CMC1: variants seen among roughly 807,000 people sequenced by gnomAD.
CMC1 encodes C-X9-C motif containing 1.
A neutral mutation model predicts 14.1 loss-of-function variants in CMC1; 14 were observed. That is an observed-to-expected ratio of 0.99 (90% confidence interval 0.66 to 1.55). The LOEUF (loss-of-function observed/expected upper bound fraction) is 1.55, where lower values mean the gene tolerates loss of function less well. Ranked by LOEUF, CMC1 falls within the 40% of genes most tolerant of loss-of-function variation. The probability of loss-of-function intolerance (pLI) is 0.00; values close to 1 mark genes in which losing one functional copy is unlikely to be tolerated. For synonymous variants in CMC1, 50 were observed against 38.4 expected (o/e 1.30, Z -1.12); for missense variants, 127 against 123.8 (o/e 1.03, Z -0.12).
intron 1 of CMC1, among the ~76,000 whole-genome samples, chr3:28,246,101 C>A (rs1698813702): frequency 6.6e-6 from 1 of 151,586 alleles, no homozygotes. Flanking sequence ...CCCTGCCTGG[C>A]CTATAAGAAA....
intron 2 of CMC1, among the ~76,000 whole-genome samples, chr3:28,282,130 C>T (rs1270159318): frequency 6.6e-6 from 1 of 152,058 alleles, no homozygotes; most frequent in Non-Finnish European, 1.5e-5. Context: ...TAGGAAAATA[C>T]TTCATACAAA....
intron 1 of CMC1, among the ~76,000 whole-genome samples, chr3:28,245,282 C>A (rs975970803): frequency 9.2e-5 from 14 of 152,106 alleles, no homozygotes. Flanking sequence ...ACATTATTTT[C>A]CTTTTTTTTG....
chr3:28,292,466 G>C (rs781773367), intron 2 of CMC1, among the ~76,000 whole-genome samples: 1 of 151,884 alleles, frequency 6.6e-6, no homozygotes, highest in Non-Finnish European at 1.5e-5. Flanking sequence ...TTTTTCAATT[G>C]ATCATTTTAG....
chr3:28,301,386 AT>A (rs1702040534), intron 2 of CMC1, among the ~76,000 whole-genome samples: 1 of 151,912 alleles, frequency 6.6e-6, no homozygotes, highest in Non-Finnish European at 1.5e-5. Context: ...TACCCAACTA[AT>A]TTTTAAAATT....
chr3:28,283,924 G>C (rs1342910409), intron 2 of CMC1, among the ~76,000 whole-genome samples: 1 of 152,146 alleles, frequency 6.6e-6, no homozygotes. Flanking sequence ...CCTAGATTGT[G>C]TCAGTACAGT....
chr3:28,310,518 A>G (rs1174857125), intron 2 of CMC1, among the ~76,000 whole-genome samples: 4 of 152,214 alleles, frequency 2.6e-5, no homozygotes, highest in Admixed American at 1.3e-4. Context: ...AATATTAGCT[A>G]TTGTTGCTAT....
At chr3:28,298,325 A>G (rs1701850176) in intron 2 of CMC1, 1 of 151,786 alleles carries the variant, frequency 6.6e-6, no homozygotes, top group Non-Finnish European at 1.5e-5. Flanking sequence ...ATATATACCT[A>G]AGACACTAGG....
At position 28,323,204 on chromosome 3, in the gene CMC1, CTTTT is replaced by C. The variant is rs763444616; in HGVS notation, c.*3577_*3580del. The stretch of plus-strand genomic sequence containing the variant: ...GCTGTAGTCTCTTTGAAGAAAATGA[CTTTT>C]TATCATTACACACATTTATGTTTAT... On this transcript the variant is annotated 3_prime_UTR_variant, in exon 4 of 4. Coordinates refer to ENST00000466830, the MANE Select transcript of CMC1 (RefSeq NM_182523.2). The C allele has an allele frequency of 2.6e-5, 4 of 151,080 alleles. No homozygotes were observed. Among genetic ancestry groups the C allele is most frequent in the African/African-American group, 9.7e-5 (4 of 41,286 alleles). The allele number at this position is 151,080 out of a possible 1,614,324, so 9.4% of individuals were successfully genotyped here.
chr3:28,304,303 AT>A (rs925610562), intron 2 of CMC1, among the ~76,000 whole-genome samples: 16 of 150,058 alleles, frequency 1.1e-4, no homozygotes, highest in Middle Eastern at 3.4e-3. Flanking sequence ...TTGTCACTGG[AT>A]TTTTTTTTTC....
chr3:28,293,514 T>C (rs1356179396), intron 2 of CMC1, among the ~76,000 whole-genome samples: 1 of 152,178 alleles, frequency 6.6e-6, no homozygotes, highest in Non-Finnish European at 1.5e-5. Context: ...AAGATACTCA[T>C]CTTTAACGAA....
chr3:28,274,220 C>CCTTTTT (rs1553615939), intron 2 of CMC1, among the ~76,000 whole-genome samples: 1 of 112,326 alleles, frequency 8.9e-6, no homozygotes, highest in Non-Finnish European at 1.7e-5. Context: ...TTGTTTTTTT[C>CCTTTTT]TTTTTTTTTT....
intron 2 of CMC1, 56 bp from the exon 3 acceptor site, chr3:28,316,277 T>G: frequency 1.2e-5 from 10 of 824,000 alleles, no homozygotes; most frequent in South Asian, 2.0e-5. Context: ...ATTGTGTGTG[T>G]GGGTATTTAT....
intron 2 of CMC1, among the ~76,000 whole-genome samples, chr3:28,300,280 A>G (rs1701957168): frequency 6.6e-6 from 1 of 152,172 alleles, no homozygotes; most frequent in South Asian, 2.1e-4. Context: ...CTATAATGGG[A>G]ATATTCGAAT....
At chr3:28,244,453 C>T (rs1449484313) in intron 1 of CMC1, among the ~76,000 whole-genome samples, 3 of 152,176 alleles carry the variant, frequency 2.0e-5, no homozygotes, top group Non-Finnish European at 4.4e-5. Context: ...AAACAGTGGG[C>T]ACCGTGGCTC....
intron 1 of CMC1, among the ~76,000 whole-genome samples, chr3:28,258,940 C>T (rs1329861558): frequency 2.0e-5 from 3 of 151,904 alleles, no homozygotes; most frequent in Non-Finnish European, 4.4e-5. Flanking sequence ...TTCTTTTGTT[C>T]TCTTTTGTTA....
chr3:28,324,000 G>A lies in CMC1; in HGVS notation c.*4371G>A, dbSNP rs1241120655. 1 of 1,532,724 alleles carries A rather than the reference G, an allele frequency of 6.5e-7. No homozygotes were observed. Among genetic ancestry groups the A allele is most frequent in the Non-Finnish European group, 8.8e-7 (1 of 1,132,140 alleles). The allele number at this position is 1,532,724 out of a possible 1,614,324, so 94.9% of individuals were successfully genotyped here. ...TAATTTCTTGGGAGGACCACTGAAA[G>A]AGATAAGTGTCCTCATGGTGAAATC... On this transcript the variant is annotated 3_prime_UTR_variant, in exon 4 of 4. Coordinates refer to ENST00000466830, the MANE Select transcript of CMC1 (RefSeq NM_182523.2).
At chr3:28,311,355 A>G (rs1702630790) in intron 2 of CMC1, among the ~76,000 whole-genome samples, 2 of 152,170 alleles carry the variant, frequency 1.3e-5, no homozygotes, top group African/African-American at 4.8e-5. Flanking sequence ...TCATTGATGC[A>G]GAGGTCGCAG....
chr3:28,318,922 A>G, intron 3 of CMC1: 1 of 194,192 alleles, frequency 5.1e-6, no homozygotes, highest in Non-Finnish European at 1.1e-5. Flanking sequence ...TTCAGGATTG[A>G]TTTTAATTTC....
chr3:28,248,222 A>G (rs1489508346), intron 1 of CMC1, among the ~76,000 whole-genome samples: 4 of 152,242 alleles, frequency 2.6e-5, no homozygotes, highest in African/African-American at 4.8e-5. Flanking sequence ...CTACCTGTGT[A>G]ATAAATAGTA....
Sources: gnomAD v4.1 joint callset for allele counts (sites outside exome capture counted in the v4.1 genomes callset) on GRCh38, gnomAD v4.1.1 for gene constraint, MANE v1.5 for transcripts, NCBI Gene and HGNC (gene_info 2026-07-23, HGNC 2026-07-21) for gene names.